Variants in PCDH15 observed in about 807,000 individuals in gnomAD.
PCDH15 encodes the protein protocadherin related 15.
A neutral mutation model predicts 178.5 loss-of-function variants in PCDH15; 129 were observed. The observed-to-expected ratio is 0.72, with a 90% CI of 0.63 to 0.84. The LOEUF is 0.84. PCDH15 is among the 40% of genes least tolerant of loss of function. The pLI is 0.00. For missense variants in PCDH15, 2,230 were observed against 2,099.9 expected, an observed-to-expected ratio of 1.06 and a Z score of -1.21; for synonymous variants, 800 against 732.0, an observed-to-expected ratio of 1.09 and a Z score of -1.50.
At chr10:53,836,126 G>T (rs898247378) in intron 29 of PCDH15, among the ~76,000 whole-genome samples, 2 of 152,114 alleles carry the variant, frequency 1.3e-5, no homozygotes, top group African/African-American at 2.4e-5. Flanking sequence ...GGGAGGAGCA[G>T]GAAGTCCTCT....
intron 23 of PCDH15, among the ~76,000 whole-genome samples, chr10:53,959,493 G>A (rs2088043640): frequency 6.6e-6 from 1 of 151,842 alleles, no homozygotes; most frequent in South Asian, 2.1e-4. Flanking sequence ...ATTTTAATAA[G>A]TTTGCACTAA....
At chr10:55,507,825 G>C (rs1180372912) in intron 2 of PCDH15, among the ~76,000 whole-genome samples, 1 of 151,580 alleles carries the variant, frequency 6.6e-6, no homozygotes, top group Non-Finnish European at 1.5e-5. Context: ...ATTTAGACAT[G>C]AGCAATAGCT....
intron 2 of PCDH15, among the ~76,000 whole-genome samples, chr10:55,142,856 G>A (rs1274395467): frequency 6.6e-6 from 1 of 151,852 alleles, no homozygotes; most frequent in Non-Finnish European, 1.5e-5. Flanking sequence ...GAGAGATGGA[G>A]TGAAGAAATA....
intron 1 of PCDH15, chr10:55,166,674 A>G (rs1262267881): frequency 1.3e-5 from 2 of 152,232 alleles, no homozygotes; most frequent in Non-Finnish European, 2.9e-5. Flanking sequence ...GTTATTGATC[A>G]ATACCACATC....
At chr10:54,719,732 G>T (rs886442237) in intron 1 of PCDH15, among the ~76,000 whole-genome samples, 1 of 151,924 alleles carries the variant, frequency 6.6e-6, no homozygotes, top group Non-Finnish European at 1.5e-5. Context: ...GTGTGTCCAT[G>T]TGTTCTCATT....
intron 3 of PCDH15, among the ~76,000 whole-genome samples, chr10:54,462,402 C>A (rs1252025514): frequency 6.6e-6 from 1 of 151,644 alleles, no homozygotes; most frequent in East Asian, 1.9e-4. Flanking sequence ...CAATTTTCTT[C>A]CATCTGAATA....
intron 13 of PCDH15, among the ~76,000 whole-genome samples, chr10:54,161,148 A>G (rs1431518024): frequency 6.6e-6 from 1 of 152,220 alleles, no homozygotes; most frequent in Non-Finnish European, 1.5e-5. Flanking sequence ...TGAAATGCCC[A>G]TCAACTGGTA....
chr10:54,647,796 T>C (rs989260839), intron 2 of PCDH15, among the ~76,000 whole-genome samples: 2 of 152,138 alleles, frequency 1.3e-5, no homozygotes, highest in African/African-American at 4.8e-5. Context: ...CAGAAAATGC[T>C]ATTTTTCTGT....
In PCDH15 at chr10:54,930,089, T is replaced by TG. The variant is rs547304617; in HGVS notation, c.-79-32590dup. Among the ~76,000 whole-genome samples the TG allele has an allele frequency of 2.0e-5, 3 of 152,264 alleles. No homozygotes were observed. The East Asian group carries it at 5.8e-4, about 29-fold the overall frequency. ...GCTGTGCCAATAGTAAAAGTCTACC[T>TG]GGGGGCTAGGCATGTTCAACATGAC... On this transcript the variant is annotated intron_variant, in intron 2 of 5. Coordinates refer to the PCDH15 transcript ENST00000458638.
At chr10:54,902,297 T>C (rs1156717132) in intron 2 of PCDH15, among the ~76,000 whole-genome samples, 1 of 152,218 alleles carries the variant, frequency 6.6e-6, no homozygotes, top group Non-Finnish European at 1.5e-5. Context: ...TTTGGTTTTG[T>C]GTCCCCACCC....
At chr10:54,324,395 A>G (rs1027359282) in intron 7 of PCDH15, among the ~76,000 whole-genome samples, 3 of 152,118 alleles carry the variant, frequency 2.0e-5, no homozygotes, top group Admixed American at 1.3e-4. Flanking sequence ...AGATTTTGCT[A>G]TTTGAGAAAT....
chr10:54,728,076 C>G (rs1237574419), intron 1 of PCDH15, among the ~76,000 whole-genome samples: 3 of 151,460 alleles, frequency 2.0e-5, no homozygotes, highest in Non-Finnish European at 1.5e-5. Context: ...CCCTAACTTA[C>G]TCTATGAGGC....
chr10:54,949,155 C>G (rs912784297), intron 2 of PCDH15, among the ~76,000 whole-genome samples: 5 of 151,704 alleles, frequency 3.3e-5, no homozygotes, highest in Admixed American at 6.6e-5. Flanking sequence ...TGTATTAGTC[C>G]ATTTTCACAC....
intron 13 of PCDH15, among the ~76,000 whole-genome samples, chr10:54,170,468 C>A (rs925565764): frequency 2.0e-5 from 3 of 151,874 alleles, no homozygotes; most frequent in African/African-American, 7.3e-5. Flanking sequence ...TCAACTCACT[C>A]TCTACAGTTC....
intron 3 of PCDH15, among the ~76,000 whole-genome samples, chr10:54,379,896 C>T (rs946588146): frequency 6.6e-6 from 1 of 151,930 alleles, no homozygotes; most frequent in South Asian, 2.1e-4. Context: ...ATCGAGAGAA[C>T]ACATCGCCTT....
At chr10:55,325,034 A>C (rs568763622) in intron 2 of PCDH15, among the ~76,000 whole-genome samples, 155 of 152,250 alleles carry the variant, frequency 1.0e-3, no homozygotes, top group African/African-American at 3.7e-3. Flanking sequence ...AAATCTCTAC[A>C]ACAAGAATTA....
At chr10:55,426,623 C>T (rs1313271256) in intron 2 of PCDH15, among the ~76,000 whole-genome samples, 1 of 152,124 alleles carries the variant, frequency 6.6e-6, no homozygotes, top group African/African-American at 2.4e-5. Flanking sequence ...TGTGAGGTGG[C>T]TGCCTTCCAA....
chr10:54,203,803 T>A (rs144949376), intron 10 of PCDH15, among the ~76,000 whole-genome samples: 199 of 152,274 alleles, frequency 1.3e-3, no homozygotes, highest in Admixed American at 2.3e-3. Context: ...TATATGAGGA[T>A]GATTCTGAAA....
rs374665465 is a variant in PCDH15, at chr10:55,563,477, C to G, written c.-156+64148G>C. ...CAGACACAGCCTGCAACAATATAAA[C>G]AAAATAATAACAAAAACAGCAAGCC... is the stretch of plus-strand genomic sequence containing the variant. On this transcript the variant is annotated intron_variant, in intron 2 of 5. Transcript: ENST00000613346. 3.0e-4 allele frequency among the ~76,000 whole-genome samples: 45 copies of G among 151,550 alleles called. No homozygotes were observed. In the East Asian group the frequency reaches 8.6e-3, roughly 29 times the overall value.
Sources: gnomAD v4.1 joint callset for allele counts (sites outside exome capture counted in the v4.1 genomes callset) on GRCh38, gnomAD v4.1.1 for gene constraint, MANE v1.5 for transcripts, NCBI Gene and HGNC (gene_info 2026-07-23, HGNC 2026-07-21) for gene names.